The following POU6F2 variants were observed in gnomAD, a reference collection of about 807,000 sequenced individuals.
POU6F2 encodes POU class 6 homeobox 2.
Under a neutral mutation model 71.3 loss-of-function variants are expected in POU6F2, and 31 were observed. The observed-to-expected ratio is 0.43, with a 90% CI of 0.33 to 0.59. The LOEUF is 0.59. Ranked by LOEUF, POU6F2 falls within the 20% of genes least tolerant of loss-of-function variation. POU6F2 has a pLI of 0.04. For synonymous variants in POU6F2, 347 were observed against 355.7 expected (o/e 0.98, Z 0.27); for missense variants, 783 against 856.8 (o/e 0.91, Z 1.07).
At chr7:39,131,856 T>C (rs1285932609) in intron 2 of POU6F2, among the ~76,000 whole-genome samples, 1 of 152,148 alleles carries the variant, frequency 6.6e-6, no homozygotes, top group Non-Finnish European at 1.5e-5. Context: ...TTTTTTATGT[T>C]TTTAAATTTT....
chr7:39,359,857 GAA>G (rs1448216622), intron 5 of POU6F2, among the ~76,000 whole-genome samples: 1 of 152,126 alleles, frequency 6.6e-6, no homozygotes, highest in Non-Finnish European at 1.5e-5. Context: ...ATGGAAAAAA[GAA>G]AACTTTTTTT....
At chr7:39,013,773 C>T (rs1789396374) in intron 1 of POU6F2, among the ~76,000 whole-genome samples, 1 of 151,536 alleles carries the variant, frequency 6.6e-6, no homozygotes, top group African/African-American at 2.4e-5. Flanking sequence ...AGTGGAGCTG[C>T]TGTAAGTCAA....
intron 1 of POU6F2, chr7:39,034,471 A>G (rs1288243275): frequency 4.5e-6 from 2 of 440,766 alleles, no homozygotes; most frequent in South Asian, 1.6e-5. Flanking sequence ...TTACATATCT[A>G]TGGAGACAAT....
Position 39,464,565 on chromosome 7 carries a change from G to C in POU6F2, c.2042G>C (p.Arg681Thr). Residue 681 changes from arginine (R) to threonine (T), a missense_variant, in exon 10 of 10, where the codon AGA (arginine) becomes ACA (threonine). Arg to Thr is a moderately conservative substitution (Grantham distance 71). Around this residue, in one of 2 missense-constraint regions of POU6F2, gnomAD observed 211 missense variants for 283.9 expected, o/e 0.74. Coordinates refer to ENST00000518318, the MANE Select transcript of POU6F2 (RefSeq NM_001370959.1). This position sits in a 1 kb window ranked among gnomAD's most constrained non-coding sequence, Gnocchi z 4.1. ...EKLNYDREVV[R>T]VWFCNKRQAL... ...CTGAACTATGACCGAGAAGTAGTTA[G>C]AGTTTGGTTCTGCAATAAGAGGCAA... 6.2e-7 allele frequency: 1 copy of C among 1,612,976 alleles called. No homozygotes were observed. Among genetic ancestry groups the C allele is most frequent in the Non-Finnish European group, 8.5e-7 (1 of 1,179,476 alleles).
chr7:39,419,145 G>A (rs1003111375), intron 6 of POU6F2, among the ~76,000 whole-genome samples: 8 of 134,294 alleles, frequency 6.0e-5, no homozygotes, highest in East Asian at 4.4e-4. Flanking sequence ...ATATATATAC[G>A]TATATATGTG....
At chr7:39,076,146 T>A (rs1279570141) in intron 1 of POU6F2, among the ~76,000 whole-genome samples, 3 of 152,116 alleles carry the variant, frequency 2.0e-5, no homozygotes, top group African/African-American at 7.2e-5. Context: ...GCTCTGAACT[T>A]CCCTTTTTCC....
chr7:39,270,495 T>C (rs1784321823), intron 4 of POU6F2, among the ~76,000 whole-genome samples: 1 of 152,226 alleles, frequency 6.6e-6, no homozygotes, highest in African/African-American at 2.4e-5. Flanking sequence ...ATTTAGTAAA[T>C]GGCAGTTGTT....
At chr7:39,131,657 G>A (rs925414009) in intron 2 of POU6F2, among the ~76,000 whole-genome samples, 2 of 152,140 alleles carry the variant, frequency 1.3e-5, no homozygotes, top group African/African-American at 4.8e-5. Flanking sequence ...TGTGAAATGG[G>A]TATTTCAAGT....
At chr7:39,104,466 A>G (rs1168973247) in intron 2 of POU6F2, among the ~76,000 whole-genome samples, 1 of 152,202 alleles carries the variant, frequency 6.6e-6, no homozygotes, top group Non-Finnish European at 1.5e-5. Context: ...TGGTGGCCAG[A>G]GTAGCTGTAT....
At chr7:39,296,085 T>C (rs1300904147) in intron 4 of POU6F2, among the ~76,000 whole-genome samples, 2 of 152,328 alleles carry the variant, frequency 1.3e-5, no homozygotes, top group Middle Eastern at 3.4e-3. Flanking sequence ...AATTGAAACT[T>C]AGAGATATCT....
intron 8 of POU6F2, 32 bp downstream of exon 8, chr7:39,451,733 T>C: frequency 1.3e-6 from 2 of 1,541,090 alleles, no homozygotes; most frequent in Non-Finnish European, 8.8e-7. Context: ...GTTTAAATCG[T>C]GGTGGCCTTC....
At chr7:39,186,299 G>A (rs1793538908) in intron 2 of POU6F2, among the ~76,000 whole-genome samples, 1 of 152,178 alleles carries the variant, frequency 6.6e-6, no homozygotes, top group Non-Finnish European at 1.5e-5. Flanking sequence ...TGGGAATGGA[G>A]TGCAGGTAGA....
At chr7:39,118,142 T>C (rs1791971582) in intron 2 of POU6F2, among the ~76,000 whole-genome samples, 1 of 152,146 alleles carries the variant, frequency 6.6e-6, no homozygotes, top group Non-Finnish European at 1.5e-5. Context: ...GCTGGTCCAC[T>C]AGAAAAGGCC....
At chr7:39,443,460 T>C (rs914925490) in intron 7 of POU6F2, among the ~76,000 whole-genome samples, 1 of 152,224 alleles carries the variant, frequency 6.6e-6, no homozygotes, top group Non-Finnish European at 1.5e-5. Flanking sequence ...GCTCAAGGCA[T>C]GTGCCAGTGG....
chr7:39,170,240 A>C (rs939560068), intron 2 of POU6F2, among the ~76,000 whole-genome samples: 1 of 152,228 alleles, frequency 6.6e-6, no homozygotes, highest in Non-Finnish European at 1.5e-5. Context: ...ATTGCTTACT[A>C]TACTTTCTTA....
intron 1 of POU6F2, among the ~76,000 whole-genome samples, chr7:39,081,943 C>T (rs897437040): frequency 3.9e-5 from 6 of 152,278 alleles, no homozygotes; most frequent in African/African-American, 1.2e-4. Flanking sequence ...CACTTAGCTG[C>T]GTGCCTTTGG....
chr7:39,216,194 C>T (rs544797810), intron 4 of POU6F2, among the ~76,000 whole-genome samples: 5 of 152,220 alleles, frequency 3.3e-5, no homozygotes, highest in East Asian at 3.9e-4. Flanking sequence ...TATGACAAGG[C>T]GCTGTGTCCA....
chr7:39,257,054 T>C (rs902264081), intron 4 of POU6F2, among the ~76,000 whole-genome samples: 7 of 152,188 alleles, frequency 4.6e-5, no homozygotes, highest in Non-Finnish European at 1.0e-4. Context: ...CCAGCTCACT[T>C]ATGAGGAACT....
At chr7:39,171,544 T>C (rs138148162) in intron 2 of POU6F2, among the ~76,000 whole-genome samples, 192 of 152,076 alleles carry the variant, frequency 1.3e-3, no homozygotes, top group African/African-American at 4.2e-3. Flanking sequence ...AAATATTGAG[T>C]CAAAAAGAGA....
Sources: gnomAD v4.1 joint callset for allele counts (sites outside exome capture counted in the v4.1 genomes callset) on GRCh38, gnomAD v4.1.1 for gene constraint, gnomAD v4.1.1 regional missense constraint, Gnocchi (gnomAD v3.1) non-coding constraint, MANE v1.5 for transcripts, NCBI Gene and HGNC (gene_info 2026-07-23, HGNC 2026-07-21) for gene names.